MUC7: variants seen among roughly 807,000 people sequenced by gnomAD.
MUC7 encodes the protein mucin 7, secreted.
Under a neutral mutation model 2.5 loss-of-function variants are expected in MUC7, and 2 were observed. The observed-to-expected ratio is 0.81, with a 90% CI of 0.33 to 2.55. The LOEUF is 2.55. Ranked by LOEUF, MUC7 falls within the 30% of genes most tolerant of loss-of-function variation. The pLI is 0.11. For missense variants in MUC7, 408 were observed against 455.6 expected, an observed-to-expected ratio of 0.90 and a Z score of 0.95; for synonymous variants, 133 against 173.4, an observed-to-expected ratio of 0.77 and a Z score of 1.83.
chr4:70,450,099 G>T (rs1001459604), intron 1 of MUC7, among the ~76,000 whole-genome samples: 1 of 152,236 alleles, frequency 6.6e-6, no homozygotes, highest in Non-Finnish European at 1.5e-5. Context: ...ATGGTCTAGA[G>T]TAGAAAAACT....
At chr4:70,468,964 A>G (rs932539107), upstream of MUC7, among the ~76,000 whole-genome samples, 1 of 152,210 alleles carries the variant, frequency 6.6e-6, no homozygotes, top group African/African-American at 2.4e-5. Context: ...TCATAAGCAA[A>G]AAGAACAAAA....
At chr4:70,442,970 A>C (rs1352012393) in intron 1 of MUC7, among the ~76,000 whole-genome samples, 1 of 152,144 alleles carries the variant, frequency 6.6e-6, no homozygotes, top group East Asian at 1.9e-4. Context: ...TATTGCTTCC[A>C]GGAGATCCGA....
At chr4:70,453,541 G>A (rs1734343691) in intron 1 of MUC7, among the ~76,000 whole-genome samples, 1 of 152,088 alleles carries the variant, frequency 6.6e-6, no homozygotes, top group Non-Finnish European at 1.5e-5. Context: ...TTCTGGTCCA[G>A]GGGATATCTA....
chr4:70,469,453 C>G (rs897826273), upstream of MUC7, among the ~76,000 whole-genome samples: 6 of 152,166 alleles, frequency 3.9e-5, no homozygotes, highest in African/African-American at 9.7e-5. Flanking sequence ...AAGAAACTAT[C>G]ATCAGAGTGA....
chr4:70,432,813 G>A (rs539387627), intron 1 of MUC7, among the ~76,000 whole-genome samples: 1 of 152,288 alleles, frequency 6.6e-6, no homozygotes, highest in African/African-American at 2.4e-5. Context: ...CCATGTCTAT[G>A]TCCTGAATGG....
chr4:70,468,146 T>C (rs949304947), upstream of MUC7, among the ~76,000 whole-genome samples: 1 of 152,024 alleles, frequency 6.6e-6, no homozygotes, highest in South Asian at 2.1e-4. Flanking sequence ...ACAGAACCAA[T>C]GACAAAAACC....
In MUC7 at chr4:70,448,527, G is replaced by T. The variant is rs1577902410; in HGVS notation, c.-93+17840G>T. 2.6e-5 allele frequency among the ~76,000 whole-genome samples: 4 copies of T among 152,194 alleles called. No individual in the cohort carries two copies. In the South Asian group the frequency reaches 8.3e-4, roughly 32 times the overall value. On this transcript the variant is annotated intron_variant, in intron 1 of 3. Coordinates refer to the MUC7 transcript ENST00000413702. ...TTGCATTTCTCTGAAGATCAGTGATGTTGAGCACCTTTTTATATACCTGTC... is the reference window on the plus strand; with the variant it reads ...TTGCATTTCTCTGAAGATCAGTGATTTTGAGCACCTTTTTATATACCTGTC...
rs1735153614 is a variant in MUC7, at chr4:70,481,049, A to T, written c.305A>T (p.Asn102Ile). 6.2e-7 allele frequency: 1 copy of T among 1,613,946 alleles called. No individual in the cohort carries two copies. Among genetic ancestry groups the T allele is most frequent in the Admixed American group, 1.7e-5 (1 of 59,998 alleles). ...KHPDKNSSVV[N>I]PTLVATTQIP... ...CCAGATAAAAATAGCAGTGTGGTCA[A>T]CCCTACCTTAGTGGCTACAACCCAA... Residue 102 changes from asparagine (N) to isoleucine (I), a missense_variant, in exon 3 of 3, where the codon AAC (asparagine) becomes ATC (isoleucine). Transcript: ENST00000304887.
chr4:70,438,685 T>C (rs1159114323), intron 1 of MUC7, among the ~76,000 whole-genome samples: 1 of 152,102 alleles, frequency 6.6e-6, no homozygotes, highest in East Asian at 1.9e-4. Context: ...CTTGAACTCC[T>C]GACCTCAGAT....
intron 1 of MUC7, among the ~76,000 whole-genome samples, chr4:70,457,419 G>A (rs1314320189): frequency 1.3e-5 from 2 of 152,088 alleles, no homozygotes; most frequent in African/African-American, 2.4e-5. Flanking sequence ...TCTAGCCTGG[G>A]TGACAGAGCA....
chr4:70,475,261 A>G (rs965656134), intron 2 of MUC7, among the ~76,000 whole-genome samples: 4 of 152,174 alleles, frequency 2.6e-5, no homozygotes, highest in Non-Finnish European at 5.9e-5. Context: ...CCTGGGTGAC[A>G]GAGCAAGATT....
At chr4:70,450,859 C>T (rs1734261928) in intron 1 of MUC7, among the ~76,000 whole-genome samples, 2 of 152,080 alleles carry the variant, frequency 1.3e-5, no homozygotes, top group Non-Finnish European at 2.9e-5. Context: ...CCTTTCTCTC[C>T]TTAAATGGTA....
intron 1 of MUC7, among the ~76,000 whole-genome samples, chr4:70,449,038 C>T (rs1239780369): frequency 6.6e-6 from 1 of 152,078 alleles, no homozygotes; most frequent in Non-Finnish European, 1.5e-5. Context: ...CTGTTCTTTC[C>T]TCAATGGATG....
At position 70,482,275 on chromosome 4, in the gene MUC7, AG is replaced by A. The variant is rs1317164628; in HGVS notation, c.*401del. On this transcript the variant is annotated 3_prime_UTR_variant, in exon 3 of 3. Coordinates refer to ENST00000304887, the MANE Select transcript of MUC7 (RefSeq NM_152291.3). ...GAACCATCTAATCCTATAAACATAA[AG>A]GGGTAAAATTGGAACTCTCCAGATG... The A allele has an allele frequency of 2.3e-5, 4 of 176,268 alleles. No homozygotes were observed. The highest frequency in any genetic ancestry group is 4.9e-5 in the Non-Finnish European group (4 of 81,940). The allele number at this position is 176,268 out of a possible 1,614,324, so 10.9% of individuals were successfully genotyped here.
upstream of MUC7, among the ~76,000 whole-genome samples, chr4:70,470,511 TC>T (rs1328126518): frequency 3.9e-5 from 6 of 152,216 alleles, no homozygotes; most frequent in Non-Finnish European, 7.3e-5. Flanking sequence ...CTTATATTTT[TC>T]CAATATTTAA....
intron 1 of MUC7, among the ~76,000 whole-genome samples, chr4:70,446,612 T>C (rs947060540): frequency 7.9e-5 from 12 of 152,206 alleles, no homozygotes; most frequent in Non-Finnish European, 1.5e-4. Flanking sequence ...CTTGATTACA[T>C]CTGCAATGAC....
intron 1 of MUC7, among the ~76,000 whole-genome samples, chr4:70,436,502 G>A (rs1377840779): frequency 1.3e-5 from 2 of 151,966 alleles, no homozygotes; most frequent in Admixed American, 1.3e-4. Context: ...GGCTATTGAA[G>A]CTTGTGTATG....
upstream of MUC7, among the ~76,000 whole-genome samples, chr4:70,468,317 G>C (rs549258729): frequency 9.3e-4 from 141 of 152,174 alleles, 1 homozygote; most frequent in African/African-American, 3.2e-3. Flanking sequence ...ATGGGCAAAA[G>C]CTGGAAACAC....
rs535197183 is a variant in MUC7, at chr4:70,455,344, C to A, written c.-92-16871C>A. Among the ~76,000 whole-genome samples the A allele has an allele frequency of 2.6e-5, 4 of 152,260 alleles. No individual in the cohort carries two copies. In the South Asian group the frequency reaches 8.3e-4, roughly 32 times the overall value. On this transcript the variant is annotated intron_variant, in intron 1 of 3. Coordinates refer to the MUC7 transcript ENST00000413702. ...CTATGAGTTTTATCATATTTTAAGT[C>A]ATACATTGTTTCTGATCTCATATAA...
Sources: allele counts gnomAD v4.1 joint callset (sites outside exome capture counted in the v4.1 genomes callset), GRCh38; gene constraint gnomAD v4.1.1; transcripts MANE v1.5; gene names NCBI Gene and HGNC (gene_info 2026-07-23, HGNC 2026-07-21).